The following PTK2 variants were observed in gnomAD, a reference collection of about 807,000 sequenced individuals.
The protein encoded by PTK2 is focal adhesion kinase 1.
In PTK2, 45 loss-of-function variants were observed where a neutral mutation model predicts 150.1. The ratio of observed to expected loss-of-function variants is 0.30; its 90% CI spans 0.24 to 0.38. PTK2 has a LOEUF of 0.38. PTK2 is among the 10% of genes least tolerant of loss of function. PTK2 has a pLI of 1.00. For missense variants in PTK2, 919 were observed against 1,307.3 expected, an observed-to-expected ratio of 0.70 and a Z score of 4.58; for synonymous variants, 432 against 449.2, an observed-to-expected ratio of 0.96 and a Z score of 0.48.
exon 27 of PTK2, chr8:140,686,689 A>G (rs199624251): frequency 5.8e-5 from 93 of 1,612,930 alleles, no homozygotes; most frequent in Non-Finnish European, 1.5e-5. Flanking sequence ...GTCTCACATC[A>G]GGTTTCTGAA....
intron 26 of PTK2, among the ~76,000 whole-genome samples, chr8:140,697,637 C>T (rs980837019): frequency 2.0e-5 from 3 of 151,902 alleles, no homozygotes; most frequent in African/African-American, 2.4e-5. Context: ...TTGGCCAGGC[C>T]GGTCTCGAAC....
At chr8:140,884,197 G>A (rs1338391188) in intron 3 of PTK2, among the ~76,000 whole-genome samples, 1 of 152,038 alleles carries the variant, frequency 6.6e-6, no homozygotes, top group Admixed American at 6.6e-5. Flanking sequence ...GCATCTTTAG[G>A]AGCCAACATT....
intron 14 of PTK2, among the ~76,000 whole-genome samples, chr8:140,778,675 A>G (rs2100079828): frequency 6.6e-6 from 1 of 152,234 alleles, no homozygotes; most frequent in African/African-American, 2.4e-5. Flanking sequence ...AACTTGGCCA[A>G]GTGAGTTAAA....
intron 3 of PTK2, among the ~76,000 whole-genome samples, chr8:140,881,458 G>A (rs1412037378): frequency 1.3e-5 from 2 of 152,188 alleles, no homozygotes; most frequent in Non-Finnish European, 2.9e-5. Context: ...TCAACACCCA[G>A]TACGCACCAA....
chr8:140,688,103 C>T (rs1286630706), intron 26 of PTK2, among the ~76,000 whole-genome samples: 1 of 152,112 alleles, frequency 6.6e-6, no homozygotes. Context: ...GATTTTGGAT[C>T]ACTTATGGAA....
At chr8:140,660,416 T>A (rs1433269069) in intron 31 of PTK2, among the ~76,000 whole-genome samples, 1 of 152,186 alleles carries the variant, frequency 6.6e-6, no homozygotes, top group Admixed American at 6.5e-5. Context: ...TCCTTGGCTA[T>A]ACAAAAAATG....
At chr8:140,757,497 C>T (rs574511345) in intron 16 of PTK2, among the ~76,000 whole-genome samples, 50 of 152,074 alleles carry the variant, frequency 3.3e-4, no homozygotes, top group African/African-American at 1.2e-3. Flanking sequence ...GGTTAGTTTA[C>T]TGGTGGCAAT....
intron 2 of PTK2, among the ~76,000 whole-genome samples, chr8:140,897,498 G>A (rs376958155): frequency 1.3e-5 from 2 of 152,150 alleles, no homozygotes; most frequent in Non-Finnish European, 2.9e-5. Context: ...CTCTCTCCGG[G>A]AAGGTCTGTG....
At chr8:140,761,055 C>T (rs978573902) in intron 16 of PTK2, 110 bp downstream of exon 19, 8 of 729,760 alleles carry the variant, frequency 1.1e-5, no homozygotes, top group Non-Finnish European at 1.6e-5. Context: ...AAAAGACACC[C>T]GTAAATATTA....
At chr8:140,934,958 T>C (rs1288812246) in intron 1 of PTK2, among the ~76,000 whole-genome samples, 2 of 152,176 alleles carry the variant, frequency 1.3e-5, no homozygotes, top group South Asian at 2.1e-4. Flanking sequence ...AAGGAGGACA[T>C]AAAAAACTCC....
At chr8:140,700,288 C>T (rs948638614) in intron 26 of PTK2, among the ~76,000 whole-genome samples, 4 of 152,082 alleles carry the variant, frequency 2.6e-5, no homozygotes, top group African/African-American at 9.7e-5. Flanking sequence ...CAGTCTTAGC[C>T]TCTCAAATAT....
chr8:140,835,488 G>T (rs1296865978), intron 7 of PTK2, among the ~76,000 whole-genome samples: 1 of 152,154 alleles, frequency 6.6e-6, no homozygotes, highest in Non-Finnish European at 1.5e-5. Flanking sequence ...TTTAGAAATA[G>T]TATGGTGGTA....
intron 1 of PTK2, among the ~76,000 whole-genome samples, chr8:140,956,082 C>T (rs2100181099): frequency 6.6e-6 from 1 of 152,206 alleles, no homozygotes; most frequent in Non-Finnish European, 1.5e-5. Context: ...TCTCAAACTT[C>T]AGATAGTCAG....
chr8:140,690,195 G>A (rs375808113), intron 26 of PTK2, among the ~76,000 whole-genome samples: 9 of 152,066 alleles, frequency 5.9e-5, no homozygotes, highest in Non-Finnish European at 1.0e-4. Flanking sequence ...CTCATGATCT[G>A]CCCGCCTCGG....
intron 17 of PTK2, among the ~76,000 whole-genome samples, chr8:140,749,726 C>T (rs1434760580): frequency 3.9e-5 from 6 of 152,122 alleles, no homozygotes; most frequent in Admixed American, 2.6e-4. Context: ...AATTCCTGAT[C>T]GAGGCCATAT....
intron 14 of PTK2, among the ~76,000 whole-genome samples, chr8:140,781,473 G>A (rs555848756): frequency 5.3e-5 from 8 of 152,092 alleles, no homozygotes; most frequent in Non-Finnish European, 7.4e-5. Context: ...CCTTTATAGC[G>A]TGGGGGCTGC....
chr8:140,764,246 T>C, exon 15 of PTK2: 1 of 1,610,296 alleles, frequency 6.2e-7, no homozygotes, highest in East Asian at 2.2e-5. Flanking sequence ...GAGGGCATGG[T>C]GTAAGTATCT....
intron 5 of PTK2, among the ~76,000 whole-genome samples, chr8:140,849,476 C>T (rs2100127795): frequency 1.3e-5 from 2 of 152,206 alleles, no homozygotes; most frequent in Admixed American, 1.3e-4. Flanking sequence ...AGCAGAATTG[C>T]TATCATTTGT....
chr8:140,772,118 T>C (rs991111083), intron 14 of PTK2, among the ~76,000 whole-genome samples: 1 of 152,098 alleles, frequency 6.6e-6, no homozygotes, highest in Non-Finnish European at 1.5e-5. Context: ...GACAATTTCA[T>C]CTTATTGCTT....
Sources: gnomAD v4.1 joint callset for allele counts (sites outside exome capture counted in the v4.1 genomes callset) on GRCh38, gnomAD v4.1.1 for gene constraint, MANE v1.5 for transcripts, NCBI Gene and HGNC (gene_info 2026-07-23, HGNC 2026-07-21) for gene names.